TAFA5: variants seen among roughly 807,000 people sequenced by gnomAD.
TAFA5 encodes the protein TAFA chemokine like family member 5.
A neutral mutation model predicts 15.3 loss-of-function variants in TAFA5; 6 were observed. The observed-to-expected ratio is 0.39, with a 90% CI of 0.21 to 0.77. The LOEUF (loss-of-function observed/expected upper bound fraction) is 0.77. Ranked by LOEUF, TAFA5 falls within the 30% of genes least tolerant of loss-of-function variation. The pLI is 0.41. For synonymous variants in TAFA5, 103 were observed against 80.7 expected (o/e 1.28, Z -1.48); for missense variants, 161 against 193.1 (o/e 0.83, Z 0.98).
At chr22:48,620,452 T>C (rs1925760247) in intron 1 of TAFA5, among the ~76,000 whole-genome samples, 1 of 152,004 alleles carries the variant, frequency 6.6e-6, no homozygotes, top group Non-Finnish European at 1.5e-5. Context: ...CAGGAGGCGG[T>C]TTTTAATCAG....
chr22:48,500,140 G>A (rs532167956), intron 1 of TAFA5, among the ~76,000 whole-genome samples: 1 of 152,024 alleles, frequency 6.6e-6, no homozygotes, highest in South Asian at 2.1e-4. Flanking sequence ...TTGTCTTCCA[G>A]ACCCTCAATT....
rs951472159 is a variant in TAFA5 at position 48,698,805 on chromosome 22, G to A, written c.263-8912G>A. Among the ~76,000 whole-genome samples, 18 of 111,296 alleles carry A rather than the reference G, an allele frequency of 1.6e-4. No individual in the cohort carries two copies. In the South Asian group the frequency reaches 2.0e-3, roughly 13 times the overall value. The allele number at this position is 111,296 out of a possible 152,430, so 73.0% of individuals were successfully genotyped here. Reference sequence around the variant, plus strand: ...GGCTCTACAGGCCCCGTGCGTGGCCGGGGCTGTGCGCTTACCTGCGAGAGA... The same window carrying A: ...GGCTCTACAGGCCCCGTGCGTGGCCAGGGCTGTGCGCTTACCTGCGAGAGA... On this transcript the variant is annotated intron_variant, in intron 2 of 3. Coordinates refer to ENST00000402357, the MANE Select transcript of TAFA5 (RefSeq NM_001082967.3).
chr22:48,616,420 G>A (rs952801360), intron 1 of TAFA5, among the ~76,000 whole-genome samples: 5 of 152,214 alleles, frequency 3.3e-5, no homozygotes, highest in African/African-American at 1.2e-4. Flanking sequence ...TGAGGCCTGG[G>A]AGCATCCCTA....
intron 1 of TAFA5, among the ~76,000 whole-genome samples, chr22:48,607,088 C>A (rs1287152755): frequency 6.6e-6 from 1 of 152,246 alleles, no homozygotes; most frequent in Non-Finnish European, 1.5e-5. Context: ...ACAGTGGGGC[C>A]TCACTCAGGC....
intron 1 of TAFA5, among the ~76,000 whole-genome samples, chr22:48,611,113 T>C (rs1037711582): frequency 2.0e-5 from 3 of 152,130 alleles, no homozygotes; most frequent in African/African-American, 7.2e-5. Context: ...TTTTGTATAT[T>C]CAGTAGAGAC....
At chr22:48,570,978 T>G (rs532047499) in intron 1 of TAFA5, among the ~76,000 whole-genome samples, 1 of 152,312 alleles carries the variant, frequency 6.6e-6, no homozygotes, top group African/African-American at 2.4e-5. Flanking sequence ...TGTGCTAAAT[T>G]TTCCTTTATC....
At chr22:48,599,271 G>A (rs532795857) in intron 1 of TAFA5, among the ~76,000 whole-genome samples, 25 of 152,306 alleles carry the variant, frequency 1.6e-4, no homozygotes, top group African/African-American at 5.5e-4. Flanking sequence ...GGCCACCAGC[G>A]CCCATCCTGA....
At chr22:48,571,116 C>G (rs533016884) in intron 1 of TAFA5, among the ~76,000 whole-genome samples, 2 of 152,236 alleles carry the variant, frequency 1.3e-5, no homozygotes, top group African/African-American at 4.8e-5. Flanking sequence ...GCATCGTTGA[C>G]TGTTTAGCTG....
At chr22:48,721,746 A>G (rs1929575448) in intron 3 of TAFA5, among the ~76,000 whole-genome samples, 1 of 152,158 alleles carries the variant, frequency 6.6e-6, no homozygotes, top group Non-Finnish European at 1.5e-5. Flanking sequence ...AAGCAGGCAG[A>G]TCACTTGAAG....
At chr22:48,568,967 GT>G (rs1923494957) in intron 1 of TAFA5, among the ~76,000 whole-genome samples, 2 of 152,204 alleles carry the variant, frequency 1.3e-5, no homozygotes, top group Non-Finnish European at 2.9e-5. Context: ...GCATCCTCTT[GT>G]GCTCACGGCC....
intron 1 of TAFA5, among the ~76,000 whole-genome samples, chr22:48,532,361 C>T (rs1025595647): frequency 2.6e-5 from 4 of 152,304 alleles, no homozygotes; most frequent in African/African-American, 7.2e-5. Flanking sequence ...CGGATCTTTC[C>T]GGTGAGGAGT....
At chr22:48,626,051 C>T (rs1308692533) in intron 1 of TAFA5, among the ~76,000 whole-genome samples, 3 of 152,196 alleles carry the variant, frequency 2.0e-5, no homozygotes, top group Admixed American at 6.5e-5. Flanking sequence ...GAGTAAGATT[C>T]CACTTATATG....
At chr22:48,610,577 G>C (rs1286917422) in intron 1 of TAFA5, among the ~76,000 whole-genome samples, 15 of 146,692 alleles carry the variant, frequency 1.0e-4, no homozygotes, top group Admixed American at 2.7e-4. Context: ...CACCAGGAGG[G>C]CTTTGTCCCC....
intron 2 of TAFA5, among the ~76,000 whole-genome samples, chr22:48,699,329 C>A (rs900709580): frequency 6.6e-6 from 1 of 152,126 alleles, no homozygotes; most frequent in Non-Finnish European, 1.5e-5. Flanking sequence ...AGCTGGGAGC[C>A]CTTACCAGGC....
chr22:48,651,216 G>C (rs1315501433), intron 2 of TAFA5, among the ~76,000 whole-genome samples: 6 of 152,248 alleles, frequency 3.9e-5, no homozygotes, highest in Non-Finnish European at 5.9e-5. Context: ...CTGAGCCAGA[G>C]GGGTGAAGGG....
chr22:48,490,118 G>C lies in TAFA5; in HGVS notation c.112+414G>C, dbSNP rs1381476218. The stretch of plus-strand genomic sequence containing the variant: ...TGCGGAGCGCCCTCCCCGTGCCTCA[G>C]CCCGGGACAAGGGGGGAGGCGGCGG... On this transcript the variant is annotated intron_variant, in intron 1 of 3. Transcript: ENST00000402357. The surrounding 1 kb of genome is among the most constrained non-coding windows in gnomAD (Gnocchi z 5.8). Among the ~76,000 whole-genome samples the C allele has an allele frequency of 2.6e-5, 4 of 152,216 alleles. No homozygotes were observed. In the East Asian group the frequency reaches 5.8e-4, roughly 22 times the overall value.
intron 1 of TAFA5, among the ~76,000 whole-genome samples, chr22:48,586,713 G>A (rs548882778): frequency 1.3e-5 from 2 of 152,346 alleles, no homozygotes; most frequent in African/African-American, 4.8e-5. Flanking sequence ...AAGGTGGCTT[G>A]GACCCTGGTG....
At chr22:48,597,694 T>C (rs950516863) in intron 1 of TAFA5, among the ~76,000 whole-genome samples, 6 of 152,276 alleles carry the variant, frequency 3.9e-5, no homozygotes, top group African/African-American at 1.4e-4. Flanking sequence ...GGTTCTTGGC[T>C]GAGTCTGACT....
chr22:48,521,949 C>T (rs561586347), intron 1 of TAFA5, among the ~76,000 whole-genome samples: 12 of 152,284 alleles, frequency 7.9e-5, no homozygotes, highest in Non-Finnish European at 1.8e-4. Context: ...GGGGCTTAGA[C>T]GACAAGGAGG....
Sources: gnomAD v4.1 joint callset for allele counts (sites outside exome capture counted in the v4.1 genomes callset) on GRCh38, gnomAD v4.1.1 for gene constraint, Gnocchi (gnomAD v3.1) non-coding constraint, MANE v1.5 for transcripts, NCBI Gene and HGNC (gene_info 2026-07-23, HGNC 2026-07-21) for gene names.